The following OTOGL variants were observed in gnomAD, a reference collection of about 807,000 sequenced individuals.
OTOGL encodes otogelin like.
Under a neutral mutation model 318.5 loss-of-function variants are expected in OTOGL, and 285 were observed. The ratio of observed to expected loss-of-function variants is 0.89; its 90% CI spans 0.81 to 0.99. OTOGL has a LOEUF of 0.99. OTOGL is among the 50% of genes least tolerant of loss of function. The pLI is 0.00. For synonymous variants in OTOGL, 987 were observed against 936.5 expected, an observed-to-expected ratio of 1.05 and a Z score of -0.99; for missense variants, 2,899 against 2,845.6, an observed-to-expected ratio of 1.02 and a Z score of -0.43.
chr12:80,358,851 G>T lies in OTOGL; in HGVS notation c.6227-9G>T. The T allele has an allele frequency of 6.6e-7, 1 of 1,525,956 alleles. No homozygotes were observed. The highest frequency in any genetic ancestry group is 8.8e-7 in the Non-Finnish European group (1 of 1,133,148). 94.5% of individuals were successfully genotyped at this position (1,525,956 alleles called of 1,614,324 possible). Reference sequence around the variant, plus strand: ...GATCAATGTAAATATGTTGATTTTTGCCTTTTAGAATGTAACTGTGAAAAC... The same window carrying T: ...GATCAATGTAAATATGTTGATTTTTTCCTTTTAGAATGTAACTGTGAAAAC... On this transcript the variant is annotated splice_polypyrimidine_tract_variant and intron_variant, in intron 51 of 58. Coordinates refer to ENST00000547103, the MANE Select transcript of OTOGL (RefSeq NM_001378609.3).
chr12:80,276,147 G>A (rs751458501), intron 24 of OTOGL, among the ~76,000 whole-genome samples: 2 of 151,794 alleles, frequency 1.3e-5, no homozygotes, highest in African/African-American at 2.4e-5. Context: ...TTAAAACCAT[G>A]ACTTTGGCTG....
chr12:80,373,763 G>A (rs939487335), intron 57 of OTOGL, among the ~76,000 whole-genome samples: 4 of 151,896 alleles, frequency 2.6e-5, no homozygotes, highest in Non-Finnish European at 2.9e-5. Flanking sequence ...ACTTAGTGGC[G>A]TTAAATAATT....
At chr12:80,180,436 T>C (rs1021499269) in intron 1 of OTOGL, among the ~76,000 whole-genome samples, 1 of 152,172 alleles carries the variant, frequency 6.6e-6, no homozygotes, top group African/African-American at 2.4e-5. Context: ...CTTTTGGCCA[T>C]CATGTCATAT....
At chr12:80,275,273 A>G (rs991204720) in intron 24 of OTOGL, among the ~76,000 whole-genome samples, 1 of 151,962 alleles carries the variant, frequency 6.6e-6, no homozygotes, top group Non-Finnish European at 1.5e-5. Flanking sequence ...GAGTTTGAAA[A>G]AAGTTTATTC....
chr12:80,282,816 T>C (rs993505195), intron 26 of OTOGL, among the ~76,000 whole-genome samples: 2 of 151,918 alleles, frequency 1.3e-5, no homozygotes, highest in African/African-American at 4.8e-5. Context: ...CTCCTTTAAG[T>C]TACCTCCACC....
chr12:80,336,890 T>G (rs752618966), intron 41 of OTOGL, 22 bp from the exon 42 acceptor site: 1 of 1,553,190 alleles, frequency 6.4e-7, no homozygotes. Flanking sequence ...CTCCGTAAAG[T>G]TTTAATTTTT....
intron 52 of OTOGL, among the ~76,000 whole-genome samples, chr12:80,360,696 G>T (rs1890191163): frequency 6.6e-6 from 1 of 151,842 alleles, no homozygotes; most frequent in Non-Finnish European, 1.5e-5. Context: ...TGGCCAGGAT[G>T]GTTTCAATCT....
intron 1 of OTOGL, among the ~76,000 whole-genome samples, chr12:80,193,034 T>A (rs1875806969): frequency 6.6e-6 from 1 of 152,052 alleles, no homozygotes; most frequent in Non-Finnish European, 1.5e-5. Flanking sequence ...ATTGTGGAAT[T>A]TTTTAGCAAG....
rs144636136 is a variant in OTOGL at position 80,300,143 on chromosome 12, T to C, written c.3064-2491T>C. ...TGGGGGCAGGGCAAGCTACGTAATT[T>C]GGTCAAAACAGGGAAAAAGTTTCAT... On this transcript the variant is annotated intron_variant, in intron 27 of 58. Coordinates refer to ENST00000547103, the MANE Select transcript of OTOGL (RefSeq NM_001378609.3). Among the ~76,000 whole-genome samples, 241 of 151,370 alleles carry C rather than the reference T, an allele frequency of 1.6e-3. 1 individual carries two copies. The highest frequency in any genetic ancestry group is 5.7e-3 in the African/African-American group (235 of 41,318).
intron 1 of OTOGL, among the ~76,000 whole-genome samples, chr12:80,104,342 C>T (rs1035496051): frequency 1.3e-5 from 2 of 152,168 alleles, no homozygotes; most frequent in African/African-American, 2.4e-5. Context: ...CAAGCTTTTC[C>T]ATTTCTCAAC....
intron 3 of OTOGL, among the ~76,000 whole-genome samples, chr12:80,211,420 TAACACAAA>T (rs1380126530): frequency 4.6e-5 from 7 of 152,170 alleles, no homozygotes; most frequent in Non-Finnish European, 8.8e-5. Context: ...TTGATAAATA[TAACACAAA>T]AACAGAAAAC....
chr12:80,353,868 A>T (rs1592747181), intron 46 of OTOGL, among the ~76,000 whole-genome samples: 1 of 152,210 alleles, frequency 6.6e-6, no homozygotes, highest in East Asian at 1.9e-4. Flanking sequence ...AAGTGAGGAA[A>T]ATAATAGTAC....
chr12:80,351,295 T>G (rs1308093865), intron 44 of OTOGL, among the ~76,000 whole-genome samples: 3 of 148,038 alleles, frequency 2.0e-5, no homozygotes, highest in African/African-American at 7.4e-5. Context: ...ATTGTGTTTT[T>G]TTTTTTTTTT....
At chr12:80,314,147 C>T (rs1886824640) in intron 31 of OTOGL, among the ~76,000 whole-genome samples, 158 bp from the exon 32 acceptor site, 1 of 152,056 alleles carries the variant, frequency 6.6e-6, no homozygotes, top group Admixed American at 6.5e-5. Context: ...TACAGCATAT[C>T]GCTTAAAGAA....
chr12:80,251,654 T>C (rs761136943), intron 11 of OTOGL, 39 bp from the exon 12 acceptor site: 1 of 1,481,006 alleles, frequency 6.8e-7, no homozygotes, highest in Non-Finnish European at 9.2e-7. Flanking sequence ...TCTGTCAATA[T>C]TTCCTATGTG....
chr12:80,218,465 T>A (rs1421957543), intron 5 of OTOGL, among the ~76,000 whole-genome samples: 1 of 152,234 alleles, frequency 6.6e-6, no homozygotes, highest in East Asian at 1.9e-4. Flanking sequence ...ATCAATTATA[T>A]AACTATCTTC....
At chr12:80,344,300 C>G (rs1382291623) in intron 44 of OTOGL, among the ~76,000 whole-genome samples, 2 of 152,128 alleles carry the variant, frequency 1.3e-5, no homozygotes, top group African/African-American at 2.4e-5. Context: ...AAACTTTCAG[C>G]TTGACTATTC....
chr12:80,344,210 T>A (rs1889018285), intron 44 of OTOGL, among the ~76,000 whole-genome samples: 1 of 152,184 alleles, frequency 6.6e-6, no homozygotes. Flanking sequence ...TCAGTACCAC[T>A]TTAGTCTGTC....
At chr12:80,206,314 G>A (rs1357409639) in intron 1 of OTOGL, among the ~76,000 whole-genome samples, 1 of 152,000 alleles carries the variant, frequency 6.6e-6, no homozygotes, top group African/African-American at 2.4e-5. Context: ...TTCATATATC[G>A]AGTTCATAAT....
Sources: allele counts gnomAD v4.1 joint callset (sites outside exome capture counted in the v4.1 genomes callset), GRCh38; gene constraint gnomAD v4.1.1; transcripts MANE v1.5; gene names NCBI Gene and HGNC (gene_info 2026-07-23, HGNC 2026-07-21).